The following BPIFC variants were observed in gnomAD, a reference collection of about 807,000 sequenced individuals.
BPIFC encodes BPI fold-containing family C protein.
A neutral mutation model predicts 57.6 loss-of-function variants in BPIFC; 60 were observed. That is an observed-to-expected ratio of 1.04 (90% CI 0.85 to 1.29). The LOEUF (loss-of-function observed/expected upper bound fraction) is 1.29. Ranked by LOEUF, BPIFC falls within the 50% of genes most tolerant of loss-of-function variation. BPIFC has a pLI of 0.00. For missense variants in BPIFC, 581 were observed against 600.5 expected (o/e 0.97, Z 0.34); for synonymous variants, 243 against 224.5 (o/e 1.08, Z -0.74).
intron 3 of BPIFC, among the ~76,000 whole-genome samples, chr22:32,455,747 T>C (rs182975454): frequency 6.6e-6 from 1 of 152,334 alleles, no homozygotes; most frequent in East Asian, 1.9e-4. Flanking sequence ...TTGGGAAATG[T>C]CATATTCCTC....
At chr22:32,459,248 G>C (rs1188252084) in intron 2 of BPIFC, among the ~76,000 whole-genome samples, 1 of 152,244 alleles carries the variant, frequency 6.6e-6, no homozygotes. Flanking sequence ...GAAGAAGTAA[G>C]CCAGGTGTGG....
At chr22:32,445,068 A>G (rs1247492527) in intron 7 of BPIFC, among the ~76,000 whole-genome samples, 1 of 152,154 alleles carries the variant, frequency 6.6e-6, no homozygotes, top group African/African-American at 2.4e-5. Context: ...AATTTGAGAG[A>G]TGTGCTGTTG....
chr22:32,444,446 T>C (rs976739837), intron 7 of BPIFC, among the ~76,000 whole-genome samples: 11 of 152,328 alleles, frequency 7.2e-5, no homozygotes, highest in Admixed American at 3.9e-4. Flanking sequence ...GAGATGGACG[T>C]GACCAGACCC....
Position 32,419,382 on chromosome 22 carries a change from A to T in BPIFC, c.1240T>A (p.Ser414Thr), listed in dbSNP as rs750847402. 3.3e-5 allele frequency: 53 copies of T among 1,613,810 alleles called. No homozygotes were observed. The highest frequency in any genetic ancestry group is 4.0e-5 in the Non-Finnish European group (47 of 1,179,890). Reference protein sequence around the residue: ...LNRFRLALPESNRSNIEVLRF... With the variant: ...LNRFRLALPETNRSNIEVLRF... ...CCTACCTCAATGTTGCTGCGATTGG[A>T]CTCTGGCAAAGCAAGGCGGAATCTA... Residue 414 changes from serine (S) to threonine (T), a missense_variant, in exon 14 of 17, where the codon TCC (serine) becomes ACC (threonine). By Grantham distance (58) the Ser-to-Thr change is moderately conservative. Coordinates refer to ENST00000300399, the MANE Select transcript of BPIFC (RefSeq NM_174932.3).
chr22:32,432,510 T>A lies in BPIFC; in HGVS notation c.1012A>T (p.Met338Leu). The A allele has an allele frequency of 6.2e-7, 1 of 1,614,134 alleles. No homozygotes were observed. The highest frequency in any genetic ancestry group is 1.3e-5 in the African/African-American group (1 of 75,018). The change falls in exon 12 of 17, where the codon ATG (methionine) becomes TTG (leucine). Residue 338 changes from methionine (M) to leucine (L), a missense_variant. Coordinates refer to ENST00000300399, the MANE Select transcript of BPIFC (RefSeq NM_174932.3). Reference protein sequence around the residue: ...AEIYILSQPFMVRIMATEPPI... With the variant: ...AEIYILSQPFLVRIMATEPPI... ...GGCTCTGTGGCCATGATCCTCACCA[T>A]GAAGGGCTGGGACAAGATGTAGATC...
intron 8 of BPIFC, among the ~76,000 whole-genome samples, chr22:32,440,617 A>G (rs1934537758): frequency 6.6e-6 from 1 of 152,222 alleles, no homozygotes; most frequent in Non-Finnish European, 1.5e-5. Context: ...TCCTGCTACA[A>G]ACTTGTTCTT....
intron 11 of BPIFC, among the ~76,000 whole-genome samples, chr22:32,433,028 TC>T (rs1290190866): frequency 6.6e-6 from 1 of 151,898 alleles, no homozygotes; most frequent in African/African-American, 2.4e-5. Flanking sequence ...CATGGAGAAA[TC>T]CTGCCTCTAC....
chr22:32,442,508 G>T (rs544987074), intron 8 of BPIFC, among the ~76,000 whole-genome samples, 163 bp downstream of exon 8: 1 of 152,106 alleles, frequency 6.6e-6, no homozygotes, highest in African/African-American at 2.4e-5. Context: ...TATGCCCTAA[G>T]CACAAGGCAC....
chr22:32,457,786 A>G (rs960461058), intron 2 of BPIFC, among the ~76,000 whole-genome samples: 9 of 151,934 alleles, frequency 5.9e-5, no homozygotes, highest in African/African-American at 2.2e-4. Flanking sequence ...AACTTCCCTC[A>G]CCAAGTCATT....
At chr22:32,427,770 C>T (rs944976876) in intron 13 of BPIFC, among the ~76,000 whole-genome samples, 10 of 152,122 alleles carry the variant, frequency 6.6e-5, no homozygotes, top group Non-Finnish European at 8.8e-5. Context: ...GGGTTGATCA[C>T]GAGGTCAAAA....
intron 16 of BPIFC, among the ~76,000 whole-genome samples, chr22:32,415,526 A>C (rs1933648690): frequency 6.6e-6 from 1 of 152,212 alleles, no homozygotes; most frequent in South Asian, 2.1e-4. Flanking sequence ...CAGAAGAGCC[A>C]GTCCTGTCCC....
intron 4 of BPIFC, 39 bp downstream of exon 4, chr22:32,453,344 G>T: frequency 7.0e-7 from 1 of 1,433,612 alleles, no homozygotes; most frequent in African/African-American, 1.4e-5. Flanking sequence ...TTTCCTTTGA[G>T]CTTCTTATAA....
intron 16 of BPIFC, among the ~76,000 whole-genome samples, chr22:32,415,669 A>G (rs1933653593): frequency 6.6e-6 from 1 of 152,214 alleles, no homozygotes; most frequent in East Asian, 1.9e-4. Context: ...GCTAAGGGGC[A>G]TCTTCTTATA....
At chr22:32,461,997 C>A (rs1935169645) in intron 1 of BPIFC, among the ~76,000 whole-genome samples, 1 of 151,534 alleles carries the variant, frequency 6.6e-6, no homozygotes, top group African/African-American at 2.4e-5. Context: ...CATGGTGAAA[C>A]TGTCTCTACT....
chr22:32,459,013 G>A (rs962404545), intron 2 of BPIFC, among the ~76,000 whole-genome samples: 1 of 152,158 alleles, frequency 6.6e-6, no homozygotes, highest in Non-Finnish European at 1.5e-5. Flanking sequence ...TGAAGCACAG[G>A]TCCCAAAAGC....
intron 3 of BPIFC, among the ~76,000 whole-genome samples, chr22:32,455,435 A>T (rs1380166026): frequency 6.6e-6 from 1 of 152,210 alleles, no homozygotes; most frequent in African/African-American, 2.4e-5. Context: ...TAAATCATTG[A>T]TAAAATTTTA....
chr22:32,433,585 C>T (rs1351025532), intron 11 of BPIFC, 134 bp downstream of exon 11: 3 of 713,136 alleles, frequency 4.2e-6, no homozygotes, highest in South Asian at 1.7e-5. Context: ...TGTAGATATT[C>T]GATTACGAGA....
intron 10 of BPIFC, among the ~76,000 whole-genome samples, chr22:32,434,083 T>TAC (rs1934319525): frequency 1.2e-4 from 1 of 8,420 alleles, no homozygotes; most frequent in Admixed American, 1.1e-3. Context: ...AAGTTTTAGT[T>TAC]ATATATATAT....
Position 32,445,821 on chromosome 22 carries a change from A to G in BPIFC, c.530+20T>C. 6.2e-7 allele frequency: 1 copy of G among 1,612,062 alleles called. No homozygotes were observed. The highest frequency in any genetic ancestry group is 8.5e-7 in the Non-Finnish European group (1 of 1,179,330). Reference sequence around the variant, plus strand: ...TCCAGCCCCTAACTAGCCACTGCCCAACCCAGGGCTCTCATTCACCTGAGT... The same window carrying G: ...TCCAGCCCCTAACTAGCCACTGCCCGACCCAGGGCTCTCATTCACCTGAGT... On this transcript the variant is annotated intron_variant, in intron 6 of 16. Coordinates refer to ENST00000300399, the MANE Select transcript of BPIFC (RefSeq NM_174932.3).
Sources: allele counts gnomAD v4.1 joint callset (sites outside exome capture counted in the v4.1 genomes callset), GRCh38; gene constraint gnomAD v4.1.1; transcripts MANE v1.5; gene names NCBI Gene and HGNC (gene_info 2026-07-23, HGNC 2026-07-21).